LINGO2: variants seen among roughly 807,000 people sequenced by gnomAD.
The protein encoded by LINGO2 is leucine-rich repeat and immunoglobulin-like domain-containing nogo receptor-interacting protein 2.
LINGO2 carries 14 observed loss-of-function variants against 30.6 expected under a neutral mutation model. The ratio of observed to expected loss-of-function variants is 0.46; its 90% confidence interval spans 0.30 to 0.72. LINGO2 has a LOEUF of 0.72. LINGO2 is among the 30% of genes least tolerant of loss of function. LINGO2 has a pLI of 0.07. For synonymous variants in LINGO2, 317 were observed against 288.5 expected, an observed-to-expected ratio of 1.10 and a Z score of -1.00; for missense variants, 729 against 751.7, an observed-to-expected ratio of 0.97 and a Z score of 0.35.
chr9:28,923,251 T>C, the LINGO2 span, among the ~76,000 whole-genome samples: 4 of 152,230 alleles, frequency 2.6e-5, no homozygotes, highest in African/African-American at 7.2e-5. Context: ...TGCAAAGTTA[T>C]AGCAGAGCTC....
chr9:28,761,774 T>G, the LINGO2 span, among the ~76,000 whole-genome samples: 1 of 151,988 alleles, frequency 6.6e-6, no homozygotes, highest in Admixed American at 6.6e-5. Flanking sequence ...CTAACACAAA[T>G]GGTCACCCCA....
chr9:28,195,425 A>G (rs1026274396), intron 4 of LINGO2, among the ~76,000 whole-genome samples: 9 of 136,172 alleles, frequency 6.6e-5, no homozygotes, highest in Admixed American at 2.2e-4. Context: ...AATTATATGA[A>G]AGATAAGGAA....
At chr9:28,351,248 G>A (rs1371683076) in intron 3 of LINGO2, among the ~76,000 whole-genome samples, 260 of 145,798 alleles carry the variant, frequency 1.8e-3, no homozygotes, top group African/African-American at 6.1e-3. Context: ...TTGATAGACC[G>A]CTAGCAAGAC....
the LINGO2 span, among the ~76,000 whole-genome samples, chr9:29,150,738 G>A: frequency 1.3e-5 from 2 of 152,086 alleles, no homozygotes; most frequent in African/African-American, 4.8e-5. Context: ...AAACCTCTGA[G>A]AAATACGGGA....
intron 4 of LINGO2, among the ~76,000 whole-genome samples, chr9:28,096,471 C>G (rs1180513845): frequency 6.6e-6 from 1 of 152,156 alleles, no homozygotes; most frequent in East Asian, 1.9e-4. Flanking sequence ...ATGGAAATTA[C>G]TTATGTCACT....
chr9:28,659,850 T>TA (rs1304877090), intron 1 of LINGO2, among the ~76,000 whole-genome samples: 2 of 152,100 alleles, frequency 1.3e-5, no homozygotes, highest in African/African-American at 2.4e-5. Flanking sequence ...ATCATATACT[T>TA]AAAAAAATGG....
chr9:28,225,059 C>A (rs1268658160), intron 4 of LINGO2, among the ~76,000 whole-genome samples: 1 of 152,000 alleles, frequency 6.6e-6, no homozygotes, highest in African/African-American at 2.4e-5. Flanking sequence ...GACTAGATAT[C>A]CATATGCACA....
chr9:29,168,294 A>T, the LINGO2 span, among the ~76,000 whole-genome samples: 1 of 152,100 alleles, frequency 6.6e-6, no homozygotes, highest in Non-Finnish European at 1.5e-5. Flanking sequence ...TTAAAGTATT[A>T]TATTTGTATG....
the LINGO2 span, among the ~76,000 whole-genome samples, chr9:28,844,549 A>T: frequency 6.6e-6 from 1 of 151,940 alleles, no homozygotes; most frequent in African/African-American, 2.4e-5. Flanking sequence ...CAACATTTTT[A>T]TAAAACATTG....
chr9:28,126,964 G>T (rs1017717673), intron 4 of LINGO2, among the ~76,000 whole-genome samples: 4 of 152,078 alleles, frequency 2.6e-5, no homozygotes, highest in African/African-American at 9.7e-5. Flanking sequence ...TATAAATAAA[G>T]AATTTTGTTA....
intron 1 of LINGO2, among the ~76,000 whole-genome samples, chr9:28,533,347 G>A (rs574995454): frequency 9.9e-5 from 15 of 152,102 alleles, no homozygotes; most frequent in African/African-American, 3.4e-4. Context: ...GGACTCAGAC[G>A]GGCTTCCTGA....
At chr9:28,701,048 G>C in the LINGO2 span, among the ~76,000 whole-genome samples, 1 of 151,628 alleles carries the variant, frequency 6.6e-6, no homozygotes, top group South Asian at 2.1e-4. Flanking sequence ...TGTGTATTTT[G>C]GGTAAATGTC....
chr9:28,993,081 G>GT, the LINGO2 span, among the ~76,000 whole-genome samples: 3 of 152,124 alleles, frequency 2.0e-5, no homozygotes, highest in East Asian at 5.8e-4. Flanking sequence ...CCAGGAGCTG[G>GT]TTTTTTGAAA....
chr9:28,496,837 C>T (rs1489416981), intron 1 of LINGO2, among the ~76,000 whole-genome samples: 1 of 152,054 alleles, frequency 6.6e-6, no homozygotes, highest in East Asian at 1.9e-4. Context: ...TTCAGGAGCT[C>T]TTGTAGGGCA....
At chr9:28,717,878 T>C in the LINGO2 span, among the ~76,000 whole-genome samples, 2 of 152,018 alleles carry the variant, frequency 1.3e-5, no homozygotes, top group African/African-American at 4.8e-5. Context: ...ATAGTCAATA[T>C]ATCCTATTAC....
the LINGO2 span, among the ~76,000 whole-genome samples, chr9:28,682,322 G>A: frequency 1.3e-5 from 2 of 152,136 alleles, no homozygotes; most frequent in African/African-American, 2.4e-5. Flanking sequence ...AACCTGTTCC[G>A]CATTCACTGG....
chr9:28,264,155 T>C (rs1304737841), intron 4 of LINGO2, among the ~76,000 whole-genome samples: 3 of 152,002 alleles, frequency 2.0e-5, no homozygotes, highest in East Asian at 3.9e-4. Flanking sequence ...TTAAACTTTA[T>C]ATTTACATAG....
At chr9:28,026,258 C>T (rs1823370964) in intron 4 of LINGO2, among the ~76,000 whole-genome samples, 1 of 152,086 alleles carries the variant, frequency 6.6e-6, no homozygotes, top group African/African-American at 2.4e-5. Flanking sequence ...TGTTTACATA[C>T]CTACTAGACT....
intron 1 of LINGO2, among the ~76,000 whole-genome samples, chr9:28,622,153 C>G (rs1826427433): frequency 6.6e-6 from 1 of 151,834 alleles, no homozygotes; most frequent in African/African-American, 2.4e-5. Flanking sequence ...TTACAAACAA[C>G]CCAGTTATAT....
Sources: gnomAD v4.1 joint callset for allele counts (sites outside exome capture counted in the v4.1 genomes callset) on GRCh38, gnomAD v4.1.1 for gene constraint, MANE v1.5 for transcripts, NCBI Gene and HGNC (gene_info 2026-07-23, HGNC 2026-07-21) for gene names.